ARHGAP15: variants seen among roughly 807,000 people sequenced by gnomAD.
The protein encoded by ARHGAP15 is rho GTPase-activating protein 15.
Under a neutral mutation model 63.7 loss-of-function variants are expected in ARHGAP15, and 51 were observed. That is an observed-to-expected ratio of 0.80 (90% CI 0.64 to 1.01). The LOEUF (loss-of-function observed/expected upper bound fraction) is 1.01, where lower values mean the gene tolerates loss of function less well. Ranked by LOEUF, ARHGAP15 falls within the 50% of genes least tolerant of loss-of-function variation. The probability of loss-of-function intolerance (pLI) is 0.00; values close to 1 mark genes in which losing one functional copy is unlikely to be tolerated. For synonymous variants in ARHGAP15, 191 were observed against 193.8 expected, an observed-to-expected ratio of 0.99 and a Z score of 0.12; for missense variants, 560 against 564.6, an observed-to-expected ratio of 0.99 and a Z score of 0.08.
chr2:143,213,518 A>G (rs193271233), intron 3 of ARHGAP15, among the ~76,000 whole-genome samples: 2 of 146,278 alleles, frequency 1.4e-5, no homozygotes, highest in Non-Finnish European at 2.9e-5. Flanking sequence ...CGTCTCAAAA[A>G]TAAAATAAAA....
chr2:143,413,956 T>TGCGCGC (rs1168877732), intron 6 of ARHGAP15, among the ~76,000 whole-genome samples: 1 of 93,532 alleles, frequency 1.1e-5, no homozygotes, highest in African/African-American at 4.6e-5. Flanking sequence ...TGTGTGTGTG[T>TGCGCGC]GTGTGTGTGT....
At chr2:143,242,348 A>G (rs1342219334) in intron 5 of ARHGAP15, among the ~76,000 whole-genome samples, 2 of 152,224 alleles carry the variant, frequency 1.3e-5, no homozygotes, top group African/African-American at 2.4e-5. Flanking sequence ...GTCTAAGAGG[A>G]AACTCTGAGG....
intron 8 of ARHGAP15, among the ~76,000 whole-genome samples, chr2:143,468,565 T>A (rs940939525): frequency 6.6e-6 from 1 of 152,054 alleles, no homozygotes; most frequent in African/African-American, 2.4e-5. Flanking sequence ...GTTTGCCCTA[T>A]AATTAAATCC....
chr2:143,425,996 G>A (rs1488339638), intron 6 of ARHGAP15, among the ~76,000 whole-genome samples: 1 of 152,092 alleles, frequency 6.6e-6, no homozygotes, highest in African/African-American at 2.4e-5. Context: ...AGCAGAGAAG[G>A]AAATAGATAC....
At chr2:143,317,967 A>G (rs1205199315) in intron 6 of ARHGAP15, among the ~76,000 whole-genome samples, 1 of 151,936 alleles carries the variant, frequency 6.6e-6, no homozygotes, top group Non-Finnish European at 1.5e-5. Flanking sequence ...CAACACCTTC[A>G]TCACTATTAT....
At chr2:143,468,067 C>T (rs1196286876) in intron 8 of ARHGAP15, among the ~76,000 whole-genome samples, 4 of 152,022 alleles carry the variant, frequency 2.6e-5, no homozygotes, top group Non-Finnish European at 5.9e-5. Flanking sequence ...TACAATCTGC[C>T]ATAGGGTGCC....
intron 11 of ARHGAP15, among the ~76,000 whole-genome samples, chr2:143,599,131 C>T (rs1176515345): frequency 6.6e-6 from 1 of 151,866 alleles, no homozygotes; most frequent in African/African-American, 2.4e-5. Context: ...AAAATCAAAC[C>T]AACAGCAAAT....
rs1169621662 is a variant in ARHGAP15, at chr2:143,385,541, T to C, written c.475-50060T>C. Among the ~76,000 whole-genome samples the C allele has an allele frequency of 1.3e-5, 2 of 152,080 alleles. 1 individual carries two copies. Among genetic ancestry groups the C allele is most frequent in the Non-Finnish European group, 2.9e-5 (2 of 67,992 alleles). On this transcript the variant is annotated intron_variant, in intron 6 of 13. Coordinates refer to ENST00000295095, the MANE Select transcript of ARHGAP15 (RefSeq NM_018460.4). ...CCAAAGTTCATACCAACTACTAAAA[T>C]TACCTGAATGTATTCAAGATGTGTC...
Position 143,487,354 on chromosome 2 carries a change from GA to G in ARHGAP15, c.704-18del. The G allele has an allele frequency of 8.2e-6, 13 of 1,587,008 alleles. No individual in the cohort carries two copies. Among genetic ancestry groups the G allele is most frequent in the Middle Eastern group, 3.4e-4 (2 of 5,916 alleles). ...AAGGAGAAATTTACCAAAAGCCTCT[GA>G]TTTTTTTAAATCTTCAGTGTTCAGA... On this transcript the variant is annotated intron_variant, in intron 8 of 13. Coordinates refer to ENST00000295095, the MANE Select transcript of ARHGAP15 (RefSeq NM_018460.4).
chr2:143,694,700 A>C (rs145258379), intron 12 of ARHGAP15, among the ~76,000 whole-genome samples: 1 of 152,224 alleles, frequency 6.6e-6, no homozygotes, highest in Non-Finnish European at 1.5e-5. Context: ...ATGTTTGTTT[A>C]ATTAATAACT....
rs558536689 is a variant in ARHGAP15 at position 143,344,949 on chromosome 2, G to A, written c.475-90652G>A. On this transcript the variant is annotated intron_variant, in intron 6 of 13. Coordinates refer to ENST00000295095, the MANE Select transcript of ARHGAP15 (RefSeq NM_018460.4). ...GCTCTTAAGCGGTCGGAAAATCATTGCTGAGAACACAAGACTTGAAGTTGA... is the reference window on the plus strand; with the variant it reads ...GCTCTTAAGCGGTCGGAAAATCATTACTGAGAACACAAGACTTGAAGTTGA... Among the ~76,000 whole-genome samples the A allele has an allele frequency of 5.2e-4, 79 of 152,230 alleles. 1 individual carries two copies. Among genetic ancestry groups the A allele is most frequent in the African/African-American group, 1.9e-3 (78 of 41,558 alleles).
chr2:143,434,403 T>C (rs1689519109), intron 6 of ARHGAP15, among the ~76,000 whole-genome samples: 1 of 152,102 alleles, frequency 6.6e-6, no homozygotes, highest in African/African-American at 2.4e-5. Context: ...AACAGATTTC[T>C]TTCAAAACCC....
chr2:143,760,701 T>C (rs753616031), intron 13 of ARHGAP15, among the ~76,000 whole-genome samples: 4 of 152,170 alleles, frequency 2.6e-5, no homozygotes, highest in Non-Finnish European at 5.9e-5. Context: ...AACTGCCATA[T>C]AACGCTCCTT....
At chr2:143,595,764 T>TGAA (rs1697492983) in intron 11 of ARHGAP15, among the ~76,000 whole-genome samples, 1 of 152,120 alleles carries the variant, frequency 6.6e-6, no homozygotes, top group Non-Finnish European at 1.5e-5. Context: ...TCCTCTGAGA[T>TGAA]GCATATTTCC....
At chr2:143,604,164 T>A (rs900630321) in intron 11 of ARHGAP15, among the ~76,000 whole-genome samples, 6 of 152,236 alleles carry the variant, frequency 3.9e-5, no homozygotes, top group Non-Finnish European at 8.8e-5. Context: ...ATGCAGAATG[T>A]TATTTCAGAA....
At chr2:143,242,314 C>A (rs1297402031) in intron 5 of ARHGAP15, among the ~76,000 whole-genome samples, 1 of 152,218 alleles carries the variant, frequency 6.6e-6, no homozygotes, top group Non-Finnish European at 1.5e-5. Flanking sequence ...GCAGGGACAG[C>A]TGAGGTTGAC....
In ARHGAP15 at chr2:143,519,229, T is replaced by G. The variant is rs533497176; in HGVS notation, c.827-37T>G. On this transcript the variant is annotated intron_variant, in intron 9 of 13. Coordinates refer to ENST00000295095, the MANE Select transcript of ARHGAP15 (RefSeq NM_018460.4). ...ATCAAATTAAAGAACAACGCAAGCTTGGATTTTAATGAAGCTCATCTTTGT... is the reference window on the plus strand; with the variant it reads ...ATCAAATTAAAGAACAACGCAAGCTGGGATTTTAATGAAGCTCATCTTTGT... The G allele has an allele frequency of 1.2e-5, 18 of 1,468,056 alleles. No individual in the cohort carries two copies. In the South Asian group the frequency reaches 1.9e-4, roughly 16 times the overall value. 90.9% of individuals were successfully genotyped at this position (1,468,056 alleles called of 1,614,324 possible).
chr2:143,196,340 C>T (rs986494605), intron 2 of ARHGAP15, among the ~76,000 whole-genome samples: 2 of 151,948 alleles, frequency 1.3e-5, no homozygotes, highest in African/African-American at 4.8e-5. Flanking sequence ...CAAATCATTC[C>T]TATTTGCAGG....
In ARHGAP15 at chr2:143,541,571, C is replaced by G. The variant is rs13001127; in HGVS notation, c.926-14837C>G. ...TGGGTTTTTGGTGTGGATGTCCTTT[C>G]TCTTTGTTAGTTTTCCTTCTAACAG... On this transcript the variant is annotated intron_variant, in intron 10 of 13. Coordinates refer to ENST00000295095, the MANE Select transcript of ARHGAP15 (RefSeq NM_018460.4). Among the ~76,000 whole-genome samples, 661 of 152,260 alleles carry G rather than the reference C, an allele frequency of 4.3e-3. 9 individuals are homozygous for G. Among genetic ancestry groups the G allele is most frequent in the Non-Finnish European group, 7.3e-3 (493 of 67,998 alleles).
Sources: allele counts gnomAD v4.1 joint callset (sites outside exome capture counted in the v4.1 genomes callset), GRCh38; gene constraint gnomAD v4.1.1; transcripts MANE v1.5; gene names NCBI Gene and HGNC (gene_info 2026-07-23, HGNC 2026-07-21).